The following PCDHGA6 variants were observed in gnomAD, a reference collection of about 807,000 sequenced individuals.
The protein encoded by PCDHGA6 is protocadherin gamma subfamily A, 6, also known as protocadherin gamma-A6.
In PCDHGA6, 41 loss-of-function variants were observed where a neutral mutation model predicts 60.6. That is an observed-to-expected ratio of 0.68 (90% confidence interval 0.53 to 0.88). PCDHGA6 has a LOEUF of 0.88. Ranked by LOEUF, PCDHGA6 falls within the 40% of genes least tolerant of loss-of-function variation. The pLI is 0.00. For missense variants in PCDHGA6, 1,312 were observed against 1,203.0 expected (o/e 1.09, Z -1.34); for synonymous variants, 594 against 524.4 (o/e 1.13, Z -1.81).
At position 141,405,049 on chromosome 5, in the gene PCDHGA6, C is replaced by T. The variant is rs190786640; in HGVS notation, c.2424+28542C>T. 223 of 1,613,936 alleles carry T rather than the reference C, an allele frequency of 1.4e-4. 1 individual carries two copies. The African/African-American group carries it at 1.9e-3, about 14-fold the overall frequency. On this transcript the variant is annotated intron_variant, in intron 1 of 3. Coordinates refer to ENST00000517434, the MANE Select transcript of PCDHGA6 (RefSeq NM_018919.3). ...TCTACCTCGTTGTGGCTGTGGCAGTCGTCTCCTGTGTCTTCCTCACCTTCG... is the reference window on the plus strand; with the variant it reads ...TCTACCTCGTTGTGGCTGTGGCAGTTGTCTCCTGTGTCTTCCTCACCTTCG...
At position 141,477,271 on chromosome 5, in the gene PCDHGA6, G is replaced by T; in HGVS notation, c.2425-17536G>T. On this transcript the variant is annotated intron_variant, in intron 1 of 3. Transcript: ENST00000517434. The surrounding 1 kb of genome is among the most constrained non-coding windows in gnomAD (Gnocchi z 4.9). ...CTGACCTGGATGCTGGCGAGAACGG[G>T]CTGGTGACCTGCGAAGTTCCACCGG... The T allele has an allele frequency of 1.2e-6, 2 of 1,614,212 alleles. No homozygotes were observed. The highest frequency in any genetic ancestry group is 1.7e-6 in the Non-Finnish European group (2 of 1,180,044).
intron 1 of PCDHGA6, chr5:141,421,518 TGA>T: frequency 6.2e-7 from 1 of 1,614,058 alleles, no homozygotes; most frequent in Non-Finnish European, 8.5e-7. Flanking sequence ...AGGAGCTCTG[TGA>T]GACGGTGTCC....
intron 1 of PCDHGA6, chr5:141,403,447 C>G (rs1382965437): frequency 6.2e-7 from 1 of 1,613,924 alleles, no homozygotes; most frequent in Non-Finnish European, 8.5e-7. Context: ...TTGGCGTGAA[C>G]TCCCTCCAGA....
intron 1 of PCDHGA6, 110 bp from the exon 2 acceptor site, chr5:141,494,697 T>C: frequency 6.3e-7 from 1 of 1,590,934 alleles, no homozygotes; most frequent in Non-Finnish European, 8.6e-7. Flanking sequence ...TAGTCCGTTT[T>C]CTTCTCTGTG....
chr5:141,428,081 C>T (rs768842388), intron 1 of PCDHGA6: 2 of 1,609,218 alleles, frequency 1.2e-6, no homozygotes, highest in Non-Finnish European at 1.7e-6. Context: ...CGGGACACAA[C>T]GCTTGGCTGT....
rs767425379 is a variant in PCDHGA6, at chr5:141,403,635, T to C, written c.2424+27128T>C. 1.1e-5 allele frequency: 18 copies of C among 1,613,902 alleles called. No individual in the cohort carries two copies. The South Asian group carries it at 1.8e-4, about 16-fold the overall frequency. On this transcript the variant is annotated intron_variant, in intron 1 of 3. Transcript: ENST00000517434. ...CCGCGTCGCTCCAGCACAGTGCGCA[T>C]CCATGTGACAGTGTTGGATACAAAT... is the stretch of plus-strand genomic sequence containing the variant.
chr5:141,491,544 C>G lies in PCDHGA6; in HGVS notation c.2425-3263C>G, dbSNP rs546391464. The G allele has an allele frequency of 1.1e-5, 17 of 1,614,018 alleles. No individual in the cohort carries two copies. In the Admixed American group the frequency reaches 1.8e-4, roughly 17 times the overall value. Reference sequence around the variant, plus strand: ...TGGAGGTGACGCTGCGGCCCACAGACTCGCAGAGCCACTGCTACAGGACGT... The same window carrying G: ...TGGAGGTGACGCTGCGGCCCACAGAGTCGCAGAGCCACTGCTACAGGACGT... On this transcript the variant is annotated intron_variant, in intron 1 of 3. Transcript: ENST00000517434. The surrounding 1 kb of genome is among the most constrained non-coding windows in gnomAD (Gnocchi z 6.9).
In PCDHGA6 at chr5:141,431,317, C is replaced by G; in HGVS notation, c.2424+54810C>G. 2 of 1,614,082 alleles carry G rather than the reference C, an allele frequency of 1.2e-6. No homozygotes were observed. The highest frequency in any genetic ancestry group is 1.7e-6 in the Non-Finnish European group (2 of 1,180,038). On this transcript the variant is annotated intron_variant, in intron 1 of 3. Transcript: ENST00000517434. The surrounding 1 kb of genome is among the most constrained non-coding windows in gnomAD (Gnocchi z 4.8). ...TCTCCCTCATCGTGCAAAATGGAGC[C>G]GACGGTAGTAAGTACCCCGAATTGG...
rs902790467 is a variant in PCDHGA6 at position 141,395,519 on chromosome 5, C to A, written c.2424+19012C>A. 1.5e-5 allele frequency: 6 copies of A among 409,366 alleles called. 1 individual carries two copies. The highest frequency in any genetic ancestry group is 1.3e-4 in the African/African-American group (6 of 47,696). The allele number at this position is 409,366 out of a possible 1,614,324, so 25.4% of individuals were successfully genotyped here. On this transcript the variant is annotated intron_variant, in intron 1 of 3. Transcript: ENST00000517434. ...TTCACTTAAGAAGTAGCTACCCGTC[C>A]ATACTGGTAATTTTGCTATTGTTTG...
At chr5:141,449,933 G>A (rs1012332454) in intron 1 of PCDHGA6, among the ~76,000 whole-genome samples, 1 of 149,752 alleles carries the variant, frequency 6.7e-6, no homozygotes, top group African/African-American at 2.5e-5. Flanking sequence ...ATACCTTATA[G>A]TATATTTTAC....
At chr5:141,393,710 G>A (rs143738602) in intron 1 of PCDHGA6, 4 of 1,613,794 alleles carry the variant, frequency 2.5e-6, no homozygotes, top group Non-Finnish European at 3.4e-6. Flanking sequence ...AAAATACTGG[G>A]GAAATATCAA....
intron 1 of PCDHGA6, chr5:141,423,031 A>G (rs761268652): frequency 1.2e-6 from 2 of 1,614,096 alleles, no homozygotes; most frequent in East Asian, 2.2e-5. Flanking sequence ...TTCAGGCCAG[A>G]ACGCCTGGCT....
At chr5:141,382,720 T>G in intron 1 of PCDHGA6, 1 of 480,114 alleles carries the variant, frequency 2.1e-6, no homozygotes, top group Non-Finnish European at 3.5e-6. Flanking sequence ...AACCACCGAG[T>G]TTTACAGCAC....
Position 141,423,286 on chromosome 5 carries a change from ACCT to A in PCDHGA6, c.2424+46781_2424+46783del, listed in dbSNP as rs554024395. 8.7e-3 allele frequency: 13,966 copies of A among 1,613,746 alleles called. 98 individuals are homozygous for A. The highest frequency in any genetic ancestry group is 0.011 in the Middle Eastern group (68 of 6,062). ...CCTCGAGTCTCTGGCTAACTCTGAAACCTCAGACCTCTCGCTGTACTTGGTGGT... is the reference window on the plus strand; with the variant it reads ...CCTCGAGTCTCTGGCTAACTCTGAAACAGACCTCTCGCTGTACTTGGTGGT... On this transcript the variant is annotated intron_variant, in intron 1 of 3. Transcript: ENST00000517434.
rs61612330 is a variant in PCDHGA6 at position 141,454,796 on chromosome 5, A to ATTTTTTTTTT, written c.2425-39991_2425-39982dup. Among the ~76,000 whole-genome samples, 264 of 77,454 alleles carry ATTTTTTTTTT rather than the reference A, an allele frequency of 3.4e-3. 39 individuals carry two copies. Among genetic ancestry groups the ATTTTTTTTTT allele is most frequent in the African/African-American group, 0.012 (196 of 16,878 alleles). 50.8% of individuals were successfully genotyped at this position (77,454 alleles called of 152,430 possible). A position where few individuals can be genotyped will look rare whatever the true frequency, so the allele number is the denominator to read the frequency against. ...AAGGAAATAATCCTCCATGGTTCTA[A>ATTTTTTTTTT]TTTTTTTTTTTTTTTTTTTTTTTTT... On this transcript the variant is annotated intron_variant, in intron 1 of 3. Transcript: ENST00000517434.
At chr5:141,394,783 C>A in intron 1 of PCDHGA6, 7 of 1,613,732 alleles carry the variant, frequency 4.3e-6, no homozygotes, top group Non-Finnish European at 5.9e-6. Flanking sequence ...CTCTCCGCCA[C>A]TGTCACGCTC....
chr5:141,489,800 A>G lies in PCDHGA6; in HGVS notation c.2425-5007A>G. 6.2e-7 allele frequency: 1 copy of G among 1,614,166 alleles called. No homozygotes were observed. Among genetic ancestry groups the G allele is most frequent in the Non-Finnish European group, 8.5e-7 (1 of 1,179,994 alleles). On this transcript the variant is annotated intron_variant, in intron 1 of 3. Coordinates refer to ENST00000517434, the MANE Select transcript of PCDHGA6 (RefSeq NM_018919.3). This position sits in a 1 kb window ranked among gnomAD's most constrained non-coding sequence, Gnocchi z 4.5. ...TCTCTGAATGTGAAGACCCTAAAAG[A>G]TGGGAAGCCATTCCCAGAGCTGGTG...
chr5:141,403,308 T>C (rs1245270186), intron 1 of PCDHGA6: 2 of 1,613,866 alleles, frequency 1.2e-6, no homozygotes, highest in Admixed American at 1.7e-5. Flanking sequence ...CTGTACGGAA[T>C]AGAAATAGAA....
chr5:141,428,169 G>A (rs758370904), intron 1 of PCDHGA6: 1 of 1,540,076 alleles, frequency 6.5e-7, no homozygotes, highest in Non-Finnish European at 8.9e-7. Flanking sequence ...GTTGCTGTGC[G>A]TGACGGAGGA....
Sources: gnomAD v4.1 joint callset for allele counts (sites outside exome capture counted in the v4.1 genomes callset) on GRCh38, gnomAD v4.1.1 for gene constraint, Gnocchi (gnomAD v3.1) non-coding constraint, MANE v1.5 for transcripts, NCBI Gene and HGNC (gene_info 2026-07-23, HGNC 2026-07-21) for gene names.